The following TGM4 variants were observed in gnomAD, a reference collection of about 807,000 sequenced individuals.
TGM4 encodes the protein protein-glutamine gamma-glutamyltransferase 4.
TGM4 carries 61 observed loss-of-function variants against 76.3 expected under a neutral mutation model. That is an observed-to-expected ratio of 0.80 (90% CI 0.65 to 0.99). TGM4 has a LOEUF of 0.99. Ranked by LOEUF, TGM4 falls within the 50% of genes least tolerant of loss-of-function variation. TGM4 has a pLI of 0.00. For missense variants in TGM4, 794 were observed against 843.2 expected (o/e 0.94, Z 0.72); for synonymous variants, 337 against 329.8 (o/e 1.02, Z -0.24).
intron 1 of TGM4, among the ~76,000 whole-genome samples, chr3:44,875,758 C>A (rs1173730123): frequency 6.6e-6 from 1 of 152,186 alleles, no homozygotes; most frequent in Non-Finnish European, 1.5e-5. Flanking sequence ...TAAGCCAGAC[C>A]CTCCTAGTTT....
intron 1 of TGM4, among the ~76,000 whole-genome samples, chr3:44,880,689 A>C (rs1575710118): frequency 6.6e-6 from 1 of 152,214 alleles, no homozygotes; most frequent in Non-Finnish European, 1.5e-5. Flanking sequence ...TAATTCCTTT[A>C]GCAATTAGTT....
chr3:44,913,940 G>A lies in TGM4; in HGVS notation c.*215G>A, dbSNP rs1259256033. On this transcript the variant is annotated 3_prime_UTR_variant, in exon 14 of 14. Transcript: ENST00000296125. Reference sequence around the variant, plus strand: ...ACCTCTTTTACAGTTAGAAACACCAGCCGAGGCCACAGAATCCCATCCCTT... The same window carrying A: ...ACCTCTTTTACAGTTAGAAACACCAACCGAGGCCACAGAATCCCATCCCTT... The A allele has an allele frequency of 2.0e-6, 1 of 509,308 alleles. No homozygotes were observed. Among genetic ancestry groups the A allele is most frequent in the Non-Finnish European group, 3.3e-6 (1 of 299,760 alleles). 31.5% of individuals were successfully genotyped at this position (509,308 alleles called of 1,614,324 possible). A position where few individuals can be genotyped will look rare whatever the true frequency, so the allele number is the denominator to read the frequency against.
At chr3:44,882,748 A>G (rs1699551001) in intron 1 of TGM4, among the ~76,000 whole-genome samples, 2 of 152,336 alleles carry the variant, frequency 1.3e-5, no homozygotes, top group South Asian at 4.1e-4. Flanking sequence ...TATTTCTATA[A>G]GGTCACATTC....
chr3:44,906,884 A>G, intron 9 of TGM4, 65 bp from the exon 10 acceptor site: 3 of 1,586,538 alleles, frequency 1.9e-6, no homozygotes, highest in Non-Finnish European at 1.7e-6. Context: ...CATTGCTGCC[A>G]CTGGGTCCAG....
intron 13 of TGM4, among the ~76,000 whole-genome samples, chr3:44,912,673 G>C (rs1451264309): frequency 6.6e-6 from 1 of 152,072 alleles, no homozygotes; most frequent in Non-Finnish European, 1.5e-5. Flanking sequence ...TTTATTTGGG[G>C]GAGAATTATG....
chr3:44,890,498 G>T, intron 3 of TGM4, 105 bp from the exon 4 acceptor site: 6 of 1,503,570 alleles, frequency 4.0e-6, no homozygotes, highest in Non-Finnish European at 5.4e-6. Flanking sequence ...GCTGGTTCCA[G>T]ATGGGATGAG....
chr3:44,874,639 A>G lies in TGM4; in HGVS notation c.-40A>G, dbSNP rs1385403085. The stretch of plus-strand genomic sequence containing the variant: ...TGTGTGGAAGCACCAGGCATCAGAG[A>G]TAGAGTCTTCCCTGGCATTGCAGGA... On this transcript the variant is annotated 5_prime_UTR_variant, in exon 1 of 14. Transcript: ENST00000296125. The G allele has an allele frequency of 6.2e-7, 1 of 1,613,832 alleles. No individual in the cohort carries two copies. The highest frequency in any genetic ancestry group is 1.1e-5 in the South Asian group (1 of 91,078).
intron 1 of TGM4, among the ~76,000 whole-genome samples, chr3:44,882,954 G>T (rs898003064): frequency 6.6e-6 from 1 of 152,212 alleles, no homozygotes; most frequent in Non-Finnish European, 1.5e-5. Flanking sequence ...GTCTTAAGAA[G>T]CTTCCACAGA....
chr3:44,880,440 C>A (rs1278755481), intron 1 of TGM4, among the ~76,000 whole-genome samples: 1 of 152,168 alleles, frequency 6.6e-6, no homozygotes, highest in African/African-American at 2.4e-5. Flanking sequence ...AACCGGTATG[C>A]ATTCTGCAGG....
chr3:44,885,685 A>G (rs897697706), intron 2 of TGM4, among the ~76,000 whole-genome samples, 187 bp downstream of exon 2: 8 of 152,170 alleles, frequency 5.3e-5, no homozygotes, highest in Admixed American at 5.2e-4. Context: ...CTCAGTCAGG[A>G]CCTGGCACAT....
At chr3:44,893,954 A>ATCCCCCATG (rs1699740988) in intron 5 of TGM4, among the ~76,000 whole-genome samples, 1 of 10,552 alleles carries the variant, frequency 9.5e-5, no homozygotes, top group Non-Finnish European at 2.0e-4. Flanking sequence ...CACCCCCCAC[A>ATCCCCCATG]GCTCTCTCCT....
At chr3:44,881,561 C>T (rs1699533167) in intron 1 of TGM4, among the ~76,000 whole-genome samples, 1 of 152,208 alleles carries the variant, frequency 6.6e-6, no homozygotes, top group East Asian at 1.9e-4. Context: ...TCAGGTCTTC[C>T]TCTTCTTATA....
intron 8 of TGM4, 98 bp from the exon 9 acceptor site, chr3:44,903,786 T>A (rs1179961505): frequency 9.1e-6 from 10 of 1,103,934 alleles, no homozygotes; most frequent in Non-Finnish European, 1.4e-5. Context: ...CCTCAGTGGG[T>A]CCCCGGTGAT....
intron 13 of TGM4, among the ~76,000 whole-genome samples, chr3:44,912,089 C>T (rs1276047085): frequency 6.6e-6 from 1 of 152,236 alleles, no homozygotes; most frequent in African/African-American, 2.4e-5. Context: ...CCTTGGCCTC[C>T]CAAAGTGCTG....
At chr3:44,895,445 A>G (rs2125754157) in intron 5 of TGM4, among the ~76,000 whole-genome samples, 1 of 152,150 alleles carries the variant, frequency 6.6e-6, no homozygotes, top group East Asian at 1.9e-4. Flanking sequence ...TGGGCAACAT[A>G]GGGAGACCTG....
chr3:44,874,945 T>G (rs1024648613), intron 1 of TGM4, among the ~76,000 whole-genome samples: 5 of 152,222 alleles, frequency 3.3e-5, no homozygotes, highest in Non-Finnish European at 5.9e-5. Flanking sequence ...TTTATCCAGA[T>G]TCCCTAAATT....
At chr3:44,899,868 A>C (rs1464526886) in intron 6 of TGM4, among the ~76,000 whole-genome samples, 1 of 152,226 alleles carries the variant, frequency 6.6e-6, no homozygotes, top group Non-Finnish European at 1.5e-5. Context: ...CATGGCAGCC[A>C]GCTTCCATCA....
rs1308086279 is a variant in TGM4 at position 44,906,986 on chromosome 3, C to A, written c.1113C>A (p.Ile371=). The change falls in exon 10 of 14, where the codon ATC becomes ATA. Residue 371 remains isoleucine (I), a synonymous_variant. Coordinates refer to ENST00000296125, the MANE Select transcript of TGM4 (RefSeq NM_003241.4). The part of the protein sequence containing the change: ...FCCGPSPLTA[I]RKGDIFIVYD... ...GTGGGCCATCACCACTGACCGCCAT[C>A]CGCAAAGGTGACATCTTTATTGTCT... 6.2e-7 allele frequency: 1 copy of A among 1,614,118 alleles called. No homozygotes were observed.
chr3:44,887,839 C>T (rs531682071), intron 3 of TGM4, 44 bp downstream of exon 3: 26 of 1,558,064 alleles, frequency 1.7e-5, no homozygotes, highest in South Asian at 5.6e-5. Flanking sequence ...TGGCTTCTGG[C>T]GGAATGCTCC....
Sources: gnomAD v4.1 joint callset for allele counts (sites outside exome capture counted in the v4.1 genomes callset) on GRCh38, gnomAD v4.1.1 for gene constraint, MANE v1.5 for transcripts, NCBI Gene and HGNC (gene_info 2026-07-23, HGNC 2026-07-21) for gene names.